The following ENAH variants were observed in gnomAD, a reference collection of about 807,000 sequenced individuals.
The protein encoded by ENAH is ENAH actin regulator.
Under a neutral mutation model 78.7 loss-of-function variants are expected in ENAH, and 23 were observed. That is an observed-to-expected ratio of 0.29 (90% confidence interval 0.21 to 0.41). The LOEUF (loss-of-function observed/expected upper bound fraction) is 0.41, where lower values mean the gene tolerates loss of function less well. Ranked by LOEUF, ENAH falls within the 10% of genes least tolerant of loss-of-function variation. The pLI is 1.00. For missense variants in ENAH, 544 were observed against 691.0 expected (o/e 0.79, Z 2.39); for synonymous variants, 226 against 241.0 (o/e 0.94, Z 0.58).
chr1:225,558,357 T>C (rs1266160591), intron 2 of ENAH, among the ~76,000 whole-genome samples: 1 of 152,068 alleles, frequency 6.6e-6, no homozygotes, highest in Non-Finnish European at 1.5e-5. Flanking sequence ...CTAAACAAAG[T>C]TTTCTTCCTT....
chr1:225,610,444 AT>A (rs1419738467), intron 1 of ENAH, among the ~76,000 whole-genome samples: 1 of 152,192 alleles, frequency 6.6e-6, no homozygotes, highest in Non-Finnish European at 1.5e-5. Context: ...TACTATAAAA[AT>A]ATTGGGGGAT....
At chr1:225,576,373 T>C (rs997689011) in intron 1 of ENAH, among the ~76,000 whole-genome samples, 4 of 152,084 alleles carry the variant, frequency 2.6e-5, no homozygotes, top group Middle Eastern at 3.2e-3. Flanking sequence ...ATCTAAATAT[T>C]ATATAAATTG....
chr1:225,574,002 A>G (rs2096775820), intron 1 of ENAH, among the ~76,000 whole-genome samples: 1 of 152,198 alleles, frequency 6.6e-6, no homozygotes, highest in Non-Finnish European at 1.5e-5. Context: ...TATCCTAAAG[A>G]AAGAGAATTA....
intron 3 of ENAH, among the ~76,000 whole-genome samples, chr1:225,546,615 T>C (rs932984529): frequency 6.6e-6 from 1 of 152,194 alleles, no homozygotes; most frequent in Non-Finnish European, 1.5e-5. Flanking sequence ...ACAGCCCTGG[T>C]TGAGAAAGGC....
chr1:225,554,515 G>C (rs1442738976), intron 3 of ENAH, among the ~76,000 whole-genome samples: 1 of 152,098 alleles, frequency 6.6e-6, no homozygotes. Flanking sequence ...ATGTCTTTCA[G>C]AAAACATGTG....
intron 1 of ENAH, among the ~76,000 whole-genome samples, chr1:225,642,152 A>G (rs2639716): frequency 0.39 from 58,037 of 150,708 alleles, 12,476 homozygotes; most frequent in African/African-American, 0.58. Flanking sequence ...AGTGAGCCGA[A>G]ATCGCATGAC....
chr1:225,585,429 TAC>T (rs1180565358), intron 1 of ENAH, among the ~76,000 whole-genome samples: 1 of 152,044 alleles, frequency 6.6e-6, no homozygotes, highest in Non-Finnish European at 1.5e-5. Flanking sequence ...AACTGCAGAA[TAC>T]ACATTCTTTT....
At chr1:225,521,051 C>T (rs1191503705) in intron 4 of ENAH, among the ~76,000 whole-genome samples, 6 of 151,914 alleles carry the variant, frequency 3.9e-5, no homozygotes, top group Non-Finnish European at 5.9e-5. Context: ...GACACACGCA[C>T]GCGCGCGCAC....
intron 1 of ENAH, among the ~76,000 whole-genome samples, chr1:225,630,909 A>G (rs980838532): frequency 6.6e-6 from 1 of 152,240 alleles, no homozygotes; most frequent in Admixed American, 6.5e-5. Context: ...ACAAAAATAC[A>G]CTGCTCTAAC....
chr1:225,627,908 T>C (rs1658250519), intron 1 of ENAH, among the ~76,000 whole-genome samples: 1 of 139,654 alleles, frequency 7.2e-6, no homozygotes, highest in Non-Finnish European at 1.6e-5. Context: ...CCTACCAACT[T>C]ATAAACATAC....
Position 225,642,537 on chromosome 1 carries a change from T to C in ENAH, c.5+10149A>G, listed in dbSNP as rs184789819. ...TAAGAAGAGCTGCCCAGCCAATCCG[T>C]AGCACATCTGCAGTCTCAGCTACTC... is the stretch of plus-strand genomic sequence containing the variant. On this transcript the variant is annotated intron_variant, in intron 1 of 13. Transcript: ENST00000366843. Among the ~76,000 whole-genome samples, 928 of 152,074 alleles carry C rather than the reference T, an allele frequency of 6.1e-3. 4 individuals carry two copies. Among genetic ancestry groups the C allele is most frequent in the Non-Finnish European group, 8.4e-3 (570 of 67,994 alleles).
chr1:225,598,188 C>A (rs1014615906), intron 1 of ENAH, among the ~76,000 whole-genome samples: 3 of 152,192 alleles, frequency 2.0e-5, no homozygotes, highest in African/African-American at 7.2e-5. Flanking sequence ...GGATTCCTAT[C>A]CTTGCATACA....
In ENAH at chr1:225,497,751, C is replaced by T. The variant is rs776310115; in HGVS notation, c.*24G>A. Reference sequence around the variant, plus strand: ...GGATATTTTTCCTCCAGATTAAAGTCCTATCTCTCCTTAGTCTGTTCCTCT... The same window carrying T: ...GGATATTTTTCCTCCAGATTAAAGTTCTATCTCTCCTTAGTCTGTTCCTCT... On this transcript the variant is annotated 3_prime_UTR_variant, in exon 14 of 14. Coordinates refer to ENST00000366843, the MANE Select transcript of ENAH (RefSeq NM_018212.6). 3 of 1,606,500 alleles carry T rather than the reference C, an allele frequency of 1.9e-6. No homozygotes were observed. The highest frequency in any genetic ancestry group is 2.6e-6 in the Non-Finnish European group (3 of 1,175,452).
intron 12 of ENAH, among the ~76,000 whole-genome samples, chr1:225,499,214 C>T (rs778267016): frequency 3.6e-4 from 54 of 152,004 alleles, no homozygotes; most frequent in Non-Finnish European, 5.9e-4. Context: ...CAGCCAGGCA[C>T]GGTGGCTCAC....
intron 5 of ENAH, chr1:225,517,992 T>C (rs2096435139): frequency 2.0e-6 from 3 of 1,537,896 alleles, no homozygotes; most frequent in Admixed American, 3.9e-5. Context: ...AAGATGGAGC[T>C]GGACAGAAGG....
intron 3 of ENAH, among the ~76,000 whole-genome samples, chr1:225,535,255 T>C (rs568622060): frequency 6.6e-6 from 1 of 152,216 alleles, no homozygotes; most frequent in African/African-American, 2.4e-5. Flanking sequence ...CTCATTTGTG[T>C]TGGAAGAGGT....
chr1:225,513,904 G>A (rs1161508982), intron 7 of ENAH, among the ~76,000 whole-genome samples: 2 of 151,938 alleles, frequency 1.3e-5, no homozygotes, highest in East Asian at 1.9e-4. Context: ...AGGCAAAATC[G>A]CTTGAACCTG....
chr1:225,634,453 G>T (rs769036954), intron 1 of ENAH, among the ~76,000 whole-genome samples: 1 of 152,138 alleles, frequency 6.6e-6, no homozygotes, highest in Non-Finnish European at 1.5e-5. Context: ...GTTAAGGTGT[G>T]TACTACTGGT....
At chr1:225,532,100 T>C (rs1259538694) in intron 3 of ENAH, among the ~76,000 whole-genome samples, 3 of 152,060 alleles carry the variant, frequency 2.0e-5, no homozygotes, top group African/African-American at 4.8e-5. Flanking sequence ...AAATACATGA[T>C]TGCTGTCTAG....
Sources: allele counts gnomAD v4.1 joint callset (sites outside exome capture counted in the v4.1 genomes callset), GRCh38; gene constraint gnomAD v4.1.1; transcripts MANE v1.5; gene names NCBI Gene and HGNC (gene_info 2026-07-23, HGNC 2026-07-21).